Variants in RIMS2 observed in about 807,000 individuals in gnomAD.
RIMS2 encodes regulating synaptic membrane exocytosis 2.
RIMS2 carries 59 observed loss-of-function variants against 174.4 expected under a neutral mutation model. The ratio of observed to expected loss-of-function variants is 0.34; its 90% CI spans 0.27 to 0.42. RIMS2 has a LOEUF of 0.42. Among genes scored for constraint, RIMS2 ranks in the 10% least tolerant of loss-of-function variants. The pLI is 1.00. For synonymous variants in RIMS2, 606 were observed against 572.5 expected (o/e 1.06, Z -0.84); for missense variants, 1,620 against 1,666.3 (o/e 0.97, Z 0.48).
intron 1 of RIMS2, among the ~76,000 whole-genome samples, chr8:103,529,603 G>A (rs34491577): frequency 0.12 from 17,661 of 152,158 alleles, 1,369 homozygotes; most frequent in Non-Finnish European, 0.17. Flanking sequence ...GCCCTGCTTC[G>A]GCTCATGCTC....
At chr8:103,756,989 G>GTC (rs1404522261) in intron 2 of RIMS2, among the ~76,000 whole-genome samples, 1 of 134,566 alleles carries the variant, frequency 7.4e-6, no homozygotes, top group East Asian at 2.0e-4. Flanking sequence ...CTGTGTGTGT[G>GTC]TGTGTGTGTG....
At chr8:103,986,242 G>C (rs2094353658) in intron 16 of RIMS2, among the ~76,000 whole-genome samples, 1 of 152,036 alleles carries the variant, frequency 6.6e-6, no homozygotes, top group Non-Finnish European at 1.5e-5. Context: ...CGAAAATAGA[G>C]AGCTAAATAA....
chr8:103,589,390 TC>T (rs1167348406), intron 1 of RIMS2, among the ~76,000 whole-genome samples: 1 of 151,570 alleles, frequency 6.6e-6, no homozygotes, highest in East Asian at 1.9e-4. Context: ...ATCATCTCAC[TC>T]CAGTTAAAAT....
intron 3 of RIMS2, among the ~76,000 whole-genome samples, chr8:103,845,538 T>A (rs1422375862): frequency 6.6e-6 from 1 of 152,166 alleles, no homozygotes; most frequent in Non-Finnish European, 1.5e-5. Context: ...TTACAGGTTT[T>A]AGAAATTATG....
chr8:103,806,005 A>G (rs1332483423), intron 3 of RIMS2, among the ~76,000 whole-genome samples: 1 of 152,074 alleles, frequency 6.6e-6, no homozygotes, highest in Non-Finnish European at 1.5e-5. Flanking sequence ...CATTTCTGTG[A>G]TATATATCTG....
chr8:103,793,641 G>A (rs1386404527), intron 3 of RIMS2, among the ~76,000 whole-genome samples: 2 of 152,154 alleles, frequency 1.3e-5, no homozygotes, highest in Non-Finnish European at 2.9e-5. Context: ...AAGTCAAATT[G>A]TCCCTGTTTG....
rs866068129 is a variant in RIMS2 at position 104,146,199 on chromosome 8, T to C, written c.3335-98717T>C. 6.5e-3 allele frequency among the ~76,000 whole-genome samples: 465 copies of C among 71,778 alleles called. 6 individuals carry two copies. Among genetic ancestry groups the C allele is most frequent in the African/African-American group, 0.027 (426 of 15,970 alleles). The allele number at this position is 71,778 out of a possible 152,430, so 47.1% of individuals were successfully genotyped here. On this transcript the variant is annotated intron_variant, in intron 19 of 23. Coordinates refer to ENST00000504942, the Ensembl canonical transcript of RIMS2. ...GGCAACACAGTGAGAACCTGTCTCC[T>C]CTCCCAAAAAAAAAAAAAAAAAAAA...
intron 1 of RIMS2, among the ~76,000 whole-genome samples, chr8:103,511,486 A>G (rs182108984): frequency 2.4e-4 from 37 of 152,316 alleles, no homozygotes; most frequent in African/African-American, 8.7e-4. Flanking sequence ...CATACTCTAC[A>G]TAAGTGTGCC....
chr8:103,605,894 T>C (rs201528476), intron 1 of RIMS2, among the ~76,000 whole-genome samples: 2 of 150,388 alleles, frequency 1.3e-5, no homozygotes, highest in East Asian at 1.9e-4. Context: ...TCTCTCTTTT[T>C]TTCTTTATTA....
At chr8:103,768,246 T>G (rs2098202462) in intron 3 of RIMS2, 4 of 489,078 alleles carry the variant, frequency 8.2e-6, no homozygotes, top group Admixed American at 3.1e-5. Context: ...TGGGCTCTTT[T>G]TCGTGGTGCC....
intron 1 of RIMS2, among the ~76,000 whole-genome samples, chr8:103,688,600 TC>T (rs560684457): frequency 1.1e-4 from 17 of 152,228 alleles, no homozygotes; most frequent in African/African-American, 4.1e-4. Context: ...GGCTTTAGTA[TC>T]AGGGTAATGC....
intron 3 of RIMS2, among the ~76,000 whole-genome samples, chr8:103,870,938 T>G (rs572401030): frequency 2.0e-5 from 3 of 152,352 alleles, no homozygotes; most frequent in African/African-American, 4.8e-5. Flanking sequence ...TTCAGAATGC[T>G]TGTCATGTTT....
rs763372338 is a variant in RIMS2, at chr8:104,093,679, G to A, written c.3334+79064G>A. ...TTCAACAACAAACTTCTCTAAATATGTTTTAGAAGGTCTTTATGTTTCCCG... is the reference window on the plus strand; with the variant it reads ...TTCAACAACAAACTTCTCTAAATATATTTTAGAAGGTCTTTATGTTTCCCG... On this transcript the variant is annotated intron_variant, in intron 19 of 23. Transcript: ENST00000504942. 17 of 1,464,872 alleles carry A rather than the reference G, an allele frequency of 1.2e-5. No individual in the cohort carries two copies. The African/African-American group carries it at 2.1e-4, about 18-fold the overall frequency. 90.7% of individuals were successfully genotyped at this position (1,464,872 alleles called of 1,614,324 possible). A position where few individuals can be genotyped will look rare whatever the true frequency, so the allele number is the denominator to read the frequency against.
chr8:103,866,184 A>T (rs1022783795), intron 3 of RIMS2, among the ~76,000 whole-genome samples: 1 of 152,180 alleles, frequency 6.6e-6, no homozygotes, highest in African/African-American at 2.4e-5. Context: ...ATATTTTCAG[A>T]TTACTTATCA....
At chr8:103,501,140 GC>G in intron 1 of RIMS2, 78 bp downstream of exon 1, 1 of 1,128,862 alleles carries the variant, frequency 8.9e-7, no homozygotes, top group Non-Finnish European at 1.2e-6. Context: ...CCGCCTGCGC[GC>G]CCCAGTTCGC....
intron 1 of RIMS2, among the ~76,000 whole-genome samples, chr8:103,574,170 C>T (rs1433387117): frequency 6.6e-6 from 1 of 151,700 alleles, no homozygotes; most frequent in Non-Finnish European, 1.5e-5. Flanking sequence ...TTATAATCTG[C>T]TTAGAACGAC....
intron 1 of RIMS2, among the ~76,000 whole-genome samples, chr8:103,594,863 T>C (rs2094424165): frequency 6.6e-6 from 1 of 151,842 alleles, no homozygotes; most frequent in African/African-American, 2.4e-5. Context: ...ACCTGGCTGC[T>C]ATCCCTATAA....
intron 1 of RIMS2, among the ~76,000 whole-genome samples, chr8:103,574,867 A>G (rs2093096890): frequency 6.6e-6 from 1 of 152,230 alleles, no homozygotes; most frequent in Non-Finnish European, 1.5e-5. Flanking sequence ...AGGAGATAGA[A>G]GATATTTCTA....
intron 19 of RIMS2, among the ~76,000 whole-genome samples, chr8:104,031,398 A>T (rs1290049534): frequency 6.6e-6 from 1 of 152,098 alleles, no homozygotes; most frequent in Non-Finnish European, 1.5e-5. Flanking sequence ...CATTTTAATT[A>T]TTAGTTTATT....
Sources: allele counts gnomAD v4.1 joint callset (sites outside exome capture counted in the v4.1 genomes callset), GRCh38; gene constraint gnomAD v4.1.1; transcripts MANE v1.5; gene names NCBI Gene and HGNC (gene_info 2026-07-23, HGNC 2026-07-21).